The following TMEM200C variants were observed in gnomAD, a reference collection of about 807,000 sequenced individuals.
TMEM200C encodes the protein transmembrane protein 200C.
For synonymous variants in TMEM200C, 462 were observed against 324.7 expected (o/e 1.42, Z -4.55); for missense variants, 966 against 699.9 (o/e 1.38, Z -4.29).
In TMEM200C at chr18:5,891,240, G is replaced by C; in HGVS notation, c.824C>G (p.Ala275Gly). 1.5e-6 allele frequency: 2 copies of C among 1,355,014 alleles called. No individual in the cohort carries two copies. 83.9% of individuals were successfully genotyped at this position (1,355,014 alleles called of 1,614,324 possible). Residue 275 changes from alanine to glycine, a missense_variant, in exon 3 of 3, where the codon GCG (alanine) becomes GGG (glycine). Physicochemically the swap from Ala to Gly is moderately conservative, Grantham distance 60 (BLOSUM62 0). Transcript: ENST00000581347. The surrounding 1 kb of genome is among the most constrained non-coding windows in gnomAD (Gnocchi z 4.7). ...CGAGCCCTTGGCCAGCATCGCCGCC[G>C]CTCCGAAGGCGTCCCCGGAGCCACC...
At chr18:5,888,296 A>G (rs1268270478) in exon 3 of TMEM200C, 1 of 152,260 alleles carries the variant, frequency 6.6e-6, no homozygotes, top group Non-Finnish European at 1.5e-5. Flanking sequence ...TTTGCTTTAT[A>G]GAAGAGCCCA....
chr18:5,896,076 C>T (rs2095176006), upstream of TMEM200C: 1 of 152,180 alleles, frequency 6.6e-6, no homozygotes, highest in African/African-American at 2.4e-5. Context: ...TGTGGACGCT[C>T]GGCAAGCACA....
chr18:5,885,904 A>G (rs2095165025), exon 3 of TMEM200C: 1 of 152,148 alleles, frequency 6.6e-6, no homozygotes, highest in African/African-American at 2.4e-5. Flanking sequence ...CCAAATAGCA[A>G]TAAAAATTTT....
At chr18:5,890,579 C>T (rs763445461) in exon 3 of TMEM200C, 53 of 1,271,138 alleles carry the variant, frequency 4.2e-5, no homozygotes, top group Admixed American at 3.2e-4. Flanking sequence ...GGCTGGAGTC[C>T]GGGTCCGCAC....
At chr18:5,890,492 G>A (rs769160152) in exon 3 of TMEM200C, 2 of 1,547,902 alleles carry the variant, frequency 1.3e-6, no homozygotes, top group Non-Finnish European at 1.7e-6. Context: ...CCGACTGGGA[G>A]CTCCCGGAGT....
chr18:5,891,019 T>C lies in TMEM200C; in HGVS notation c.1045A>G (p.Ser349Gly), dbSNP rs1261828695. The C allele has an allele frequency of 1.7e-6, 1 of 579,474 alleles. No homozygotes were observed. Among genetic ancestry groups the C allele is most frequent in the Non-Finnish European group, 3.0e-6 (1 of 333,022 alleles). 35.9% of individuals were successfully genotyped at this position (579,474 alleles called of 1,614,324 possible). The change falls in exon 3 of 3, where the codon AGC (serine) becomes GGC (glycine). Residue 349 changes from serine to glycine, a missense_variant. Transcript: ENST00000581347. The surrounding 1 kb of genome is among the most constrained non-coding windows in gnomAD (Gnocchi z 4.7). ...CTGCAGGGCGCCGGACTGCTGCAGC[T>C]GCTAGCGGCTGCGGCGGCGGTGGCA... is the stretch of plus-strand genomic sequence containing the variant.
In TMEM200C at chr18:5,891,007, G is replaced by A. The variant is rs973541033; in HGVS notation, c.1057C>T (p.Pro353Ser). Residue 353 changes from proline to serine, a missense_variant, in exon 3 of 3, where the codon CCG becomes TCG. Coordinates refer to ENST00000581347, the Ensembl canonical transcript of TMEM200C. This position sits in a 1 kb window ranked among gnomAD's most constrained non-coding sequence, Gnocchi z 4.7. ...CTCTCGGGTGGGCTGCAGGGCGCCG[G>A]ACTGCTGCAGCTGCTAGCGGCTGCG... The A allele has an allele frequency of 6.4e-6, 4 of 625,242 alleles. No homozygotes were observed. Among genetic ancestry groups the A allele is most frequent in the South Asian group, 5.1e-5 (3 of 58,624 alleles). 38.7% of individuals were successfully genotyped at this position (625,242 alleles called of 1,614,324 possible). A position where few individuals can be genotyped will look rare whatever the true frequency, so the allele number is the denominator to read the frequency against.
Position 5,890,305 on chromosome 18 carries a change from G to A in TMEM200C, c.1759C>T (p.Gln587Ter), listed in dbSNP as rs1183886859. The change falls in exon 3 of 3, where the codon CAA becomes TAA. Residue 587 changes from glutamine to a stop codon, truncating the protein, a stop_gained. Coordinates refer to ENST00000581347, the Ensembl canonical transcript of TMEM200C. LOFTEE classifies it low-confidence loss of function (END_TRUNC). ...AACTGCCTCTGCACCGGCTGAGGTT[G>A]CTCGGCCGTGGGTGGCTCCTGGCTG... The A allele has an allele frequency of 1.2e-6, 2 of 1,601,324 alleles. No individual in the cohort carries two copies. The highest frequency in any genetic ancestry group is 1.7e-6 in the Non-Finnish European group (2 of 1,173,454).
chr18:5,895,064 G>A (rs1057392404), exon 2 of TMEM200C: 2 of 152,112 alleles, frequency 1.3e-5, no homozygotes, highest in African/African-American at 4.8e-5. Flanking sequence ...GCCGGCGAAC[G>A]GGCGCTCGGG....
chr18:5,891,260 G>A lies in TMEM200C; in HGVS notation c.804C>T (p.Gly268=), dbSNP rs1435389893. 8.6e-6 allele frequency: 12 copies of A among 1,396,104 alleles called. No homozygotes were observed. The East Asian group carries it at 2.2e-4, about 26-fold the overall frequency. 86.5% of individuals were successfully genotyped at this position (1,396,104 alleles called of 1,614,324 possible). A position where few individuals can be genotyped will look rare whatever the true frequency, so the allele number is the denominator to read the frequency against. ...CCGCCGCTCCGAAGGCGTCCCCGGA[G>A]CCACCGCAGCCCCCGGGCTTCAGCT... The change falls in exon 3 of 3, where the codon GGC becomes GGT. Residue 268 remains glycine, a synonymous_variant. Coordinates refer to ENST00000581347, the Ensembl canonical transcript of TMEM200C. This position sits in a 1 kb window ranked among gnomAD's most constrained non-coding sequence, Gnocchi z 4.7.
chr18:5,890,912 C>T, exon 3 of TMEM200C: 1 of 681,274 alleles, frequency 1.5e-6, no homozygotes, highest in Non-Finnish European at 2.7e-6. Flanking sequence ...GGCCCCCTTG[C>T]AAGGGCAGCA....
In TMEM200C at chr18:5,891,387, G is replaced by A; in HGVS notation, c.677C>T (p.Ala226Val). ...CGACGACGAAGAGGCGGCGGCGGCC[G>A]CGGCGGCGGCCGCGGCGGCCGCCAG... Residue 226 changes from alanine to valine, a missense_variant, in exon 3 of 3, where the codon GCG (alanine) becomes GTG (valine). By Grantham distance (64) the Ala-to-Val change is moderately conservative (BLOSUM62 0). Transcript: ENST00000581347. The surrounding 1 kb of genome is among the most constrained non-coding windows in gnomAD (Gnocchi z 4.7). The A allele has an allele frequency of 1.5e-6, 2 of 1,338,810 alleles. No individual in the cohort carries two copies. The highest frequency in any genetic ancestry group is 1.9e-6 in the Non-Finnish European group (2 of 1,050,266). The allele number at this position is 1,338,810 out of a possible 1,614,324, so 82.9% of individuals were successfully genotyped here.
chr18:5,889,887 A>G, exon 3 of TMEM200C: 1 of 227,664 alleles, frequency 4.4e-6, no homozygotes, highest in South Asian at 1.8e-4. Flanking sequence ...AAAATATATT[A>G]TTTTGATCCT....
At position 5,891,373 on chromosome 18, in the gene TMEM200C, AGGCGGCGGCGGCCGCGGCGGCGGCCGC is replaced by A. The variant is rs763835824; in HGVS notation, c.664_690del (p.Ala222_Ala230del). On this transcript the variant is annotated inframe_deletion, in exon 3 of 3. Coordinates refer to ENST00000581347, the Ensembl canonical transcript of TMEM200C. The surrounding 1 kb of genome is among the most constrained non-coding windows in gnomAD (Gnocchi z 4.7). The stretch of plus-strand genomic sequence containing the variant: ...GCGGCGGGGGCAGACGACGACGAAG[AGGCGGCGGCGGCCGCGGCGGCGGCCGC>A]GGCGGCCGCCAGGTCTTTGGCGCGG... 5,644 of 1,340,874 alleles carry A rather than the reference AGGCGGCGGCGGCCGCGGCGGCGGCCGC, an allele frequency of 4.2e-3. 442 individuals are homozygous for A. Among genetic ancestry groups the A allele is most frequent in the South Asian group, 0.017 (771 of 45,102 alleles). 83.1% of individuals were successfully genotyped at this position (1,340,874 alleles called of 1,614,324 possible). A position where few individuals can be genotyped will look rare whatever the true frequency, so the allele number is the denominator to read the frequency against.
Position 5,886,314 on chromosome 18 carries a change from G to A in TMEM200C, c.*3884C>T, listed in dbSNP as rs181266237. 9.2e-5 allele frequency: 14 copies of A among 152,220 alleles called. No individual in the cohort carries two copies. In the South Asian group the frequency reaches 1.2e-3, roughly 14 times the overall value. The allele number at this position is 152,220 out of a possible 1,614,324, so 9.4% of individuals were successfully genotyped here. On this transcript the variant is annotated 3_prime_UTR_variant, in exon 3 of 3. Transcript: ENST00000581347. ...AGGACTTCACTGGCCTTTCTGATAC[G>A]GCTAGCCTCAATAAATGGAAATGCA...
At chr18:5,887,392 G>A (rs990325493) in exon 3 of TMEM200C, 9 of 152,276 alleles carry the variant, frequency 5.9e-5, no homozygotes, top group African/African-American at 2.2e-4. Context: ...TTATCTGACT[G>A]TGCATTCTGA....
chr18:5,891,383 GGCCGCGGCGGCGGCC>G lies in TMEM200C; in HGVS notation c.666_680del (p.Ala226_Ala230del), dbSNP rs2095170860. 1 of 1,317,162 alleles carries G rather than the reference GGCCGCGGCGGCGGCC, an allele frequency of 7.6e-7. No homozygotes were observed. Among genetic ancestry groups the G allele is most frequent in the African/African-American group, 1.6e-5 (1 of 63,872 alleles). The allele number at this position is 1,317,162 out of a possible 1,614,324, so 81.6% of individuals were successfully genotyped here. The stretch of plus-strand genomic sequence containing the variant: ...CAGACGACGACGAAGAGGCGGCGGC[GGCCGCGGCGGCGGCC>G]GCGGCGGCCGCCAGGTCTTTGGCGC... On this transcript the variant is annotated inframe_deletion, in exon 3 of 3. Transcript: ENST00000581347. This position sits in a 1 kb window ranked among gnomAD's most constrained non-coding sequence, Gnocchi z 4.7.
exon 3 of TMEM200C, chr18:5,888,041 A>G (rs2095166716): frequency 6.6e-6 from 1 of 152,232 alleles, no homozygotes; most frequent in Non-Finnish European, 1.5e-5. Flanking sequence ...TGATAAATGT[A>G]ACATTTACAG....
rs1567888239 is a variant in TMEM200C at position 5,891,928 on chromosome 18, G to A, written c.136C>T (p.Leu46=). 6.2e-7 allele frequency: 1 copy of A among 1,613,862 alleles called. No individual in the cohort carries two copies. ...AGCCCTGAGATGGAGCACAGCTTCA[G>A]CTTGCCTTTCACCACCACCACGTCG... Residue 46 remains leucine, a synonymous_variant, in exon 3 of 3, where the codon CTG becomes TTG. Transcript: ENST00000581347. This position sits in a 1 kb window ranked among gnomAD's most constrained non-coding sequence, Gnocchi z 4.7.
Sources: allele counts gnomAD v4.1 joint callset, GRCh38; gene constraint gnomAD v4.1.1; non-coding constraint Gnocchi (gnomAD v3.1); transcripts MANE v1.5; gene names NCBI Gene and HGNC (gene_info 2026-07-23, HGNC 2026-07-21).